Variants in AAK1 observed in about 807,000 individuals in gnomAD.
The protein encoded by AAK1 is AP2 associated kinase 1.
AAK1 carries 37 observed loss-of-function variants against 116.0 expected under a neutral mutation model. The observed-to-expected ratio is 0.32, with a 90% CI of 0.25 to 0.42. The LOEUF (loss-of-function observed/expected upper bound fraction) is 0.42, where lower values mean the gene tolerates loss of function less well. AAK1 is among the 10% of genes least tolerant of loss of function. AAK1 has a pLI of 1.00. For missense variants in AAK1, 919 were observed against 1,170.6 expected (o/e 0.79, Z 3.14); for synonymous variants, 458 against 439.9 (o/e 1.04, Z -0.51).
chr2:69,582,220 G>T (rs773506384), intron 2 of AAK1, among the ~76,000 whole-genome samples: 1 of 152,176 alleles, frequency 6.6e-6, no homozygotes, highest in Non-Finnish European at 1.5e-5. Context: ...AAGCCTCACA[G>T]ACAACACAGA....
intron 2 of AAK1, among the ~76,000 whole-genome samples, chr2:69,574,364 T>A (rs1272111282): frequency 9.5e-6 from 1 of 104,924 alleles, no homozygotes; most frequent in Non-Finnish European, 1.8e-5. Context: ...GGTGACAGAG[T>A]AAGACTCCCT....
At chr2:69,610,210 T>C (rs1674018509) in intron 2 of AAK1, among the ~76,000 whole-genome samples, 1 of 152,160 alleles carries the variant, frequency 6.6e-6, no homozygotes, top group East Asian at 1.9e-4. Flanking sequence ...CTCACATATA[T>C]GGTCAAATGA....
chr2:69,643,392 G>T (rs974012336), intron 1 of AAK1, 118 bp from the exon 2 acceptor site: 3 of 1,179,960 alleles, frequency 2.5e-6, no homozygotes. Context: ...GTATTTTCCC[G>T]GCGAGAAAAA....
chr2:69,552,105 G>A (rs1004266455), intron 3 of AAK1, among the ~76,000 whole-genome samples: 4 of 152,082 alleles, frequency 2.6e-5, no homozygotes, highest in Non-Finnish European at 4.4e-5. Flanking sequence ...GACTTAGTGG[G>A]CTTAAAAATG....
chr2:69,483,385 G>A (rs777752256), intron 17 of AAK1, among the ~76,000 whole-genome samples: 16 of 152,150 alleles, frequency 1.1e-4, no homozygotes, highest in South Asian at 2.1e-4. Context: ...AAAGTCATCC[G>A]TGTGGTCGCA....
chr2:69,623,707 A>G (rs576751854), intron 2 of AAK1, among the ~76,000 whole-genome samples: 1 of 152,334 alleles, frequency 6.6e-6, no homozygotes, highest in South Asian at 2.1e-4. Context: ...ATACTACTCA[A>G]AGATAAACTT....
intron 2 of AAK1, among the ~76,000 whole-genome samples, chr2:69,582,409 G>A (rs537862592): frequency 7.2e-5 from 11 of 151,950 alleles, no homozygotes; most frequent in Middle Eastern, 3.4e-3. Flanking sequence ...GTGTGTGTGC[G>A]CGTGTGTGTG....
At chr2:69,517,947 G>A (rs1463677015) in intron 12 of AAK1, among the ~76,000 whole-genome samples, 3 of 152,000 alleles carry the variant, frequency 2.0e-5, no homozygotes, top group South Asian at 2.1e-4. Flanking sequence ...GCAAAATAAC[G>A]AGACCCCCAT....
At chr2:69,515,760 C>T (rs1031423150) in intron 12 of AAK1, among the ~76,000 whole-genome samples, 3 of 151,754 alleles carry the variant, frequency 2.0e-5, no homozygotes, top group African/African-American at 7.3e-5. Flanking sequence ...GTATACTTTA[C>T]GTAGTTATTA....
At chr2:69,484,940 C>T (rs936440055) in intron 17 of AAK1, among the ~76,000 whole-genome samples, 2 of 151,334 alleles carry the variant, frequency 1.3e-5, no homozygotes, top group African/African-American at 2.4e-5. Context: ...TTTTCAGTTG[C>T]AGGAAAAAAA....
At chr2:69,533,300 A>G (rs974579806) in intron 5 of AAK1, among the ~76,000 whole-genome samples, 1 of 152,166 alleles carries the variant, frequency 6.6e-6, no homozygotes, top group Non-Finnish European at 1.5e-5. Context: ...GGAATAAACC[A>G]AAAAACACTG....
chr2:69,537,130 G>A (rs1174419037), intron 5 of AAK1, among the ~76,000 whole-genome samples: 2 of 152,190 alleles, frequency 1.3e-5, no homozygotes, highest in Non-Finnish European at 2.9e-5. Flanking sequence ...TTTCCTCACT[G>A]GTAAAGAAGA....
chr2:69,505,718 C>A (rs757899737), intron 15 of AAK1, 45 bp from the exon 16 acceptor site: 4 of 1,495,496 alleles, frequency 2.7e-6, no homozygotes, highest in African/African-American at 1.4e-5. Context: ...CAGAATCTTG[C>A]GAGGCACACA....
chr2:69,482,735 C>T lies in AAK1; in HGVS notation c.2443G>A (p.Gly815Ser). ...PDLLPMTDPF[G>S]STSDAVIEKA... ...CCAATTACAGCATCAGAAGTGCTAC[C>T]AAAAGGATCTGTCATAGGCAAGAGG... The change falls in exon 18 of 22, where the codon GGT (glycine) becomes AGT (serine). Residue 815 changes from glycine (G) to serine (S), a missense_variant. This residue lies in a region of AAK1 where 263 missense variants were observed against 285.5 expected (regional missense o/e 0.92). Transcript: ENST00000409085. 6.2e-7 allele frequency: 1 copy of T among 1,612,524 alleles called. No homozygotes were observed. Among genetic ancestry groups the T allele is most frequent in the Non-Finnish European group, 8.5e-7 (1 of 1,178,654 alleles).
At chr2:69,476,039 A>G in intron 21 of AAK1, 76 bp from the exon 22 acceptor site, 1 of 1,492,018 alleles carries the variant, frequency 6.7e-7, no homozygotes, top group African/African-American at 1.4e-5. Flanking sequence ...AGCAAAGAAG[A>G]AAAACCAAAC....
chr2:69,498,014 T>TCCACC (rs1303344286), intron 16 of AAK1, among the ~76,000 whole-genome samples: 3 of 150,016 alleles, frequency 2.0e-5, no homozygotes, highest in African/African-American at 4.9e-5. Flanking sequence ...CTGTTCTCCC[T>TCCACC]CCACCCCACC....
intron 16 of AAK1, among the ~76,000 whole-genome samples, chr2:69,501,332 G>A (rs945882797): frequency 9.2e-5 from 14 of 151,686 alleles, no homozygotes; most frequent in African/African-American, 3.1e-4. Flanking sequence ...AAATAATAAT[G>A]AGAATATCAT....
Position 69,521,007 on chromosome 2 carries a change from A to G in AAK1, c.1056-19T>C, listed in dbSNP as rs116262063. On this transcript the variant is annotated intron_variant, in intron 10 of 21. Transcript: ENST00000409085. The stretch of plus-strand genomic sequence containing the variant: ...TGTCAGTCTAGAAAGGGAAAAGAGA[A>G]AGGTTCATATTAAAGTATGGGAAAA... The G allele has an allele frequency of 1.0e-3, 1,677 of 1,613,456 alleles. 15 individuals are homozygous for G. In the African/African-American group the frequency reaches 0.019, roughly 18 times the overall value.
intron 2 of AAK1, among the ~76,000 whole-genome samples, chr2:69,586,063 G>A (rs558513606): frequency 1.4e-4 from 22 of 152,192 alleles, no homozygotes; most frequent in African/African-American, 2.2e-4. Flanking sequence ...GAAAAACTCC[G>A]AAAAATATGC....
Sources: gnomAD v4.1 joint callset for allele counts (sites outside exome capture counted in the v4.1 genomes callset) on GRCh38, gnomAD v4.1.1 for gene constraint, gnomAD v4.1.1 regional missense constraint, MANE v1.5 for transcripts, NCBI Gene and HGNC (gene_info 2026-07-23, HGNC 2026-07-21) for gene names.